Variants in ALG8 observed in about 807,000 individuals in gnomAD.
ALG8 encodes the protein ALG8 alpha-1,3-glucosyltransferase.
In ALG8, 48 loss-of-function variants were observed where a neutral mutation model predicts 70.2. That is an observed-to-expected ratio of 0.68 (90% CI 0.54 to 0.87). The LOEUF (loss-of-function observed/expected upper bound fraction) is 0.87, where lower values mean the gene tolerates loss of function less well. Among genes scored for constraint, ALG8 ranks in the 40% least tolerant of loss-of-function variants. The pLI, the probability that ALG8 is intolerant of heterozygous loss-of-function variation, is 0.00. For missense variants in ALG8, 572 were observed against 608.7 expected, an observed-to-expected ratio of 0.94 and a Z score of 0.64; for synonymous variants, 234 against 229.0, an observed-to-expected ratio of 1.02 and a Z score of -0.20.
intron 9 of ALG8, among the ~76,000 whole-genome samples, chr11:78,108,364 T>A (rs683930): frequency 6.6e-6 from 1 of 151,862 alleles, no homozygotes; most frequent in Non-Finnish European, 1.5e-5. Flanking sequence ...CCCAGCTACT[T>A]GGGAGGCTGA....
chr11:78,132,868 A>C (rs1590842908), intron 1 of ALG8, among the ~76,000 whole-genome samples: 6 of 122,334 alleles, frequency 4.9e-5, no homozygotes, highest in South Asian at 2.5e-4. Flanking sequence ...ATGGAGTCTC[A>C]CTCTGTCGAC....
intron 5 of ALG8, among the ~76,000 whole-genome samples, chr11:78,115,940 A>G (rs1860542678): frequency 6.6e-6 from 1 of 152,244 alleles, no homozygotes; most frequent in Non-Finnish European, 1.5e-5. Context: ...CTATGCTACC[A>G]AAAAAATCAA....
chr11:78,105,588 G>T (rs1859985292), intron 10 of ALG8, among the ~76,000 whole-genome samples: 1 of 149,338 alleles, frequency 6.7e-6, no homozygotes, highest in Non-Finnish European at 1.5e-5. Context: ...AAGACTGCTT[G>T]TGCCCAGTAG....
At chr11:78,133,639 C>G (rs913638619) in intron 1 of ALG8, 1 of 152,126 alleles carries the variant, frequency 6.6e-6, no homozygotes. Context: ...CGGTGGCTCA[C>G]GCCTGTAATC....
At chr11:78,139,222 G>C in intron 1 of ALG8, 1 of 492,654 alleles carries the variant, frequency 2.0e-6, no homozygotes, top group South Asian at 2.1e-5. Flanking sequence ...GTTGGAGGCA[G>C]AGGTTCTTAA....
At chr11:78,110,481 C>T (rs1233844689) in intron 8 of ALG8, among the ~76,000 whole-genome samples, 1 of 152,178 alleles carries the variant, frequency 6.6e-6, no homozygotes, top group South Asian at 2.1e-4. Flanking sequence ...CCTGAGCCAA[C>T]GTGCACAGCT....
intron 1 of ALG8, among the ~76,000 whole-genome samples, chr11:78,128,652 C>T (rs1277033234): frequency 6.8e-6 from 1 of 147,524 alleles, no homozygotes; most frequent in East Asian, 2.0e-4. Flanking sequence ...CGCTCTGTTG[C>T]CAGGCTGGAG....
At chr11:78,133,910 A>C (rs1861425989) in intron 1 of ALG8, among the ~76,000 whole-genome samples, 1 of 152,076 alleles carries the variant, frequency 6.6e-6, no homozygotes, top group Non-Finnish European at 1.5e-5. Context: ...CAAAAAAAAA[A>C]AAAAGTTATG....
intron 3 of ALG8, 86 bp from the exon 4 acceptor site, chr11:78,121,260 G>T: frequency 1.8e-5 from 16 of 896,666 alleles, no homozygotes; most frequent in Non-Finnish European, 2.4e-5. Context: ...TGATACATTA[G>T]TCATTCCTGA....
At chr11:78,132,906 G>A (rs112835646) in intron 1 of ALG8, among the ~76,000 whole-genome samples, 8,991 of 147,258 alleles carry the variant, frequency 0.061, 892 homozygotes, top group African/African-American at 0.21. Flanking sequence ...GCGCTATCTC[G>A]GCTCACTGCA....
intron 4 of ALG8, 113 bp from the exon 5 acceptor site, chr11:78,119,362 A>T (rs1860717898): frequency 1.3e-6 from 1 of 749,958 alleles, no homozygotes; most frequent in Non-Finnish European, 2.4e-6. Context: ...AAGACAAAAA[A>T]TACTACTACT....
chr11:78,130,348 CA>C (rs1174378754), intron 1 of ALG8, among the ~76,000 whole-genome samples: 8 of 49,154 alleles, frequency 1.6e-4, no homozygotes, highest in East Asian at 7.1e-4. Context: ...GACCCGGTCT[CA>C]AAAAAAAAAA....
intron 8 of ALG8, chr11:78,112,248 C>A (rs528897622): frequency 3.3e-6 from 1 of 301,052 alleles, no homozygotes; most frequent in Non-Finnish European, 6.4e-6. Flanking sequence ...CCATTGCACT[C>A]CATCCTGGGT....
At chr11:78,106,479 G>C (rs772504386) in intron 10 of ALG8, among the ~76,000 whole-genome samples, 4 of 152,192 alleles carry the variant, frequency 2.6e-5, no homozygotes, top group Non-Finnish European at 1.5e-5. Context: ...TTACAGGCGT[G>C]AGCTACCGCG....
rs534739528 is a variant in ALG8 at position 78,121,105 on chromosome 11, C to T, written c.438G>A (p.Ser146=). The T allele has an allele frequency of 2.0e-5, 33 of 1,613,822 alleles. No individual in the cohort carries two copies. The highest frequency in any genetic ancestry group is 1.9e-4 in the South Asian group (17 of 91,066). ...ELTEKPKFIL[S]VLLLWNFGLL... ...ACCCGAAGTTCCACAGAAGTAATACCGACAGAATAAATTTTGGCTTTTCTG... is the reference window on the plus strand; with the variant it reads ...ACCCGAAGTTCCACAGAAGTAATACTGACAGAATAAATTTTGGCTTTTCTG... Residue 146 remains serine (S), a synonymous_variant, in exon 4 of 13, where the codon TCG becomes TCA. Transcript: ENST00000299626.
intron 7 of ALG8, 77 bp from the exon 8 acceptor site, chr11:78,112,847 C>A: frequency 6.5e-7 from 1 of 1,548,494 alleles, no homozygotes; most frequent in Non-Finnish European, 8.8e-7. Context: ...AGGGAACTCT[C>A]TATGGTATAG....
Position 78,139,568 on chromosome 11 carries a change from G to C in ALG8, c.21C>G (p.Ala7=), listed in dbSNP as rs1290283517. The change falls in exon 1 of 13, where the codon GCC becomes GCG. Residue 7 remains alanine (A), a synonymous_variant. Transcript: ENST00000299626. ...CCGAAAACCAATTGCCAGTACCCGT[G>C]GCAATTGTGAGCGCCGCCATTGCTG... The part of the protein sequence containing the change: MAALTI[A]TGTGNWFSAL... 2 of 1,558,434 alleles carry C rather than the reference G, an allele frequency of 1.3e-6. No individual in the cohort carries two copies. The highest frequency in any genetic ancestry group is 3.8e-5 in the Admixed American group (2 of 52,002).
At position 78,106,833 on chromosome 11, in the gene ALG8, G is replaced by A; in HGVS notation, c.1152C>T (p.Ala384=). 2 of 1,614,086 alleles carry A rather than the reference G, an allele frequency of 1.2e-6. No individual in the cohort carries two copies. The highest frequency in any genetic ancestry group is 1.7e-6 in the Non-Finnish European group (2 of 1,179,992). The stretch of plus-strand genomic sequence containing the variant: ...TCATTGGGAGAATTGCTAGAAGTAT[G>A]GCTTTTTCATGAACATGCCACCCAA... ...FMFGWHVHEK[A]ILLAILPMSL... The change falls in exon 10 of 13, where the codon GCC becomes GCT. Residue 384 remains alanine (A), a synonymous_variant. Coordinates refer to ENST00000299626, the MANE Select transcript of ALG8 (RefSeq NM_024079.5).
intron 1 of ALG8, among the ~76,000 whole-genome samples, chr11:78,132,607 G>T (rs1314238378): frequency 6.6e-6 from 1 of 151,970 alleles, no homozygotes; most frequent in Middle Eastern, 3.2e-3. Context: ...TATCATAGCT[G>T]CCCAAATAGG....
Sources: allele counts gnomAD v4.1 joint callset (sites outside exome capture counted in the v4.1 genomes callset), GRCh38; gene constraint gnomAD v4.1.1; transcripts MANE v1.5; gene names NCBI Gene and HGNC (gene_info 2026-07-23, HGNC 2026-07-21).